MBIP: variants seen among roughly 807,000 people sequenced by gnomAD.
MBIP encodes MAP3K12 binding inhibitory protein 1, also known as MAP3K12-binding inhibitory protein 1.
A neutral mutation model predicts 45.7 loss-of-function variants in MBIP; 32 were observed. That is an observed-to-expected ratio of 0.70 (90% CI 0.53 to 0.94). MBIP has a LOEUF of 0.94. Ranked by LOEUF, MBIP falls within the 40% of genes least tolerant of loss-of-function variation. The pLI, the probability that MBIP is intolerant of heterozygous loss-of-function variation, is 0.00. For missense variants in MBIP, 381 were observed against 405.5 expected (o/e 0.94, Z 0.52); for synonymous variants, 145 against 141.0 (o/e 1.03, Z -0.20).
chr14:36,320,473 G>A lies in MBIP; in HGVS notation c.116C>T (p.Thr39Ile). 4 of 1,614,144 alleles carry A rather than the reference G, an allele frequency of 2.5e-6. No individual in the cohort carries two copies. Among genetic ancestry groups the A allele is most frequent in the Non-Finnish European group, 3.4e-6 (4 of 1,180,032 alleles). Reference protein sequence around the residue: ...VLYEIFRSLHTLVGQLDLRDD... With the variant: ...VLYEIFRSLHILVGQLDLRDD... ...GCCACCTCTCACCTGTCCAACCAGG[G>A]TGTGTAGGGAGCGAAAGATTTCGTA... The change falls in exon 1 of 9, where the codon ACC becomes ATC. Residue 39 changes from threonine to isoleucine, a missense_variant. Physicochemically the swap from Thr to Ile is moderately conservative, Grantham distance 89. Coordinates refer to ENST00000416007, the MANE Select transcript of MBIP (RefSeq NM_016586.3).
At chr14:36,310,715 G>A (rs1880147809) in intron 6 of MBIP, among the ~76,000 whole-genome samples, 1 of 152,178 alleles carries the variant, frequency 6.6e-6, no homozygotes, top group South Asian at 2.1e-4. Flanking sequence ...TATACAAAAG[G>A]TGAATCTGCA....
intron 1 of MBIP, among the ~76,000 whole-genome samples, chr14:36,317,499 G>A (rs923892931): frequency 6.6e-6 from 1 of 152,080 alleles, no homozygotes; most frequent in Admixed American, 6.6e-5. Flanking sequence ...TGTCAGACTG[G>A]ATGAAATGTC....
intron 7 of MBIP, among the ~76,000 whole-genome samples, chr14:36,303,961 C>T (rs1879725008): frequency 6.6e-6 from 1 of 152,174 alleles, no homozygotes; most frequent in African/African-American, 2.4e-5. Flanking sequence ...TGCCACCAGA[C>T]AGGGACCTAA....
chr14:36,316,434 T>C (rs1490307408), intron 2 of MBIP, among the ~76,000 whole-genome samples: 1 of 152,132 alleles, frequency 6.6e-6, no homozygotes, highest in African/African-American at 2.4e-5. Flanking sequence ...TGGAACTGTA[T>C]TGAATTTTCA....
At chr14:36,301,736 A>T in intron 7 of MBIP, among the ~76,000 whole-genome samples, 1 of 152,280 alleles carries the variant, frequency 6.6e-6, no homozygotes, top group African/African-American at 2.4e-5. Flanking sequence ...AGCTAACAAC[A>T]TTCTCACTGA....
At chr14:36,317,439 G>A (rs1003741870) in intron 1 of MBIP, among the ~76,000 whole-genome samples, 6 of 151,944 alleles carry the variant, frequency 3.9e-5, no homozygotes, top group African/African-American at 1.5e-4. Flanking sequence ...ATTTAGCAAT[G>A]GAAGTCTGAA....
chr14:36,317,184 T>A (rs1220703581), intron 1 of MBIP, among the ~76,000 whole-genome samples: 1 of 152,140 alleles, frequency 6.6e-6, no homozygotes, highest in Non-Finnish European at 1.5e-5. Context: ...TCCTACTACT[T>A]CTAGCTCAGA....
At chr14:36,309,019 C>A (rs8017683) in intron 6 of MBIP, among the ~76,000 whole-genome samples, 7,559 of 152,268 alleles carry the variant, frequency 0.05, 576 homozygotes, top group African/African-American at 0.17. Flanking sequence ...CAATGGCCTA[C>A]AAGGCCATAC....
intron 7 of MBIP, among the ~76,000 whole-genome samples, chr14:36,302,736 A>T (rs906500056): frequency 2.6e-5 from 4 of 152,190 alleles, no homozygotes; most frequent in Non-Finnish European, 5.9e-5. Flanking sequence ...GAACACTTAG[A>T]AATACCATAT....
In MBIP at chr14:36,311,648, T is replaced by G; in HGVS notation, c.715A>C (p.Met239Leu). ...IPGSGHKPNS[M>L]LRDCGNQAVE... Reference sequence around the variant, plus strand: ...GCCTGATTACCACAGTCTCGAAGCATGCTGTTAGGTTTATGACCTGACCCT... The same window carrying G: ...GCCTGATTACCACAGTCTCGAAGCAGGCTGTTAGGTTTATGACCTGACCCT... Residue 239 changes from methionine (M) to leucine (L), a missense_variant, in exon 6 of 9, where the codon ATG becomes CTG. Met to Leu is a conservative substitution (Grantham distance 15, BLOSUM62 2). Transcript: ENST00000416007. The G allele has an allele frequency of 6.2e-7, 1 of 1,613,518 alleles. No homozygotes were observed. Among genetic ancestry groups the G allele is most frequent in the Non-Finnish European group, 8.5e-7 (1 of 1,179,518 alleles).
chr14:36,317,014 C>G (rs562874792), intron 1 of MBIP, among the ~76,000 whole-genome samples: 7 of 152,154 alleles, frequency 4.6e-5, no homozygotes, highest in Admixed American at 4.6e-4. Context: ...AAAACAAAAA[C>G]AAAATGACAT....
At chr14:36,316,303 C>A (rs997731438) in intron 2 of MBIP, among the ~76,000 whole-genome samples, 3 of 152,048 alleles carry the variant, frequency 2.0e-5, no homozygotes, top group Non-Finnish European at 4.4e-5. Flanking sequence ...TGGGATAATG[C>A]CCCTTCTTGA....
intron 2 of MBIP, among the ~76,000 whole-genome samples, chr14:36,316,326 A>G (rs973592137): frequency 6.6e-6 from 1 of 151,990 alleles, no homozygotes; most frequent in African/African-American, 2.4e-5. Flanking sequence ...CACTGAAAGC[A>G]CTCCATGAGC....
At chr14:36,315,003 TA>T (rs1880482137) in intron 2 of MBIP, 88 bp from the exon 3 acceptor site, 4 of 770,290 alleles carry the variant, frequency 5.2e-6, no homozygotes, top group Non-Finnish European at 8.6e-6. Context: ...TTCTGCTAAG[TA>T]AATGAAATAC....
rs576915874 is a variant in MBIP, at chr14:36,306,429, T to A, written c.888+1663A>T. 3.1e-3 allele frequency among the ~76,000 whole-genome samples: 476 copies of A among 152,144 alleles called. 4 individuals carry two copies. The highest frequency in any genetic ancestry group is 3.9e-3 in the South Asian group (19 of 4,822). On this transcript the variant is annotated intron_variant, in intron 7 of 8. Coordinates refer to ENST00000416007, the MANE Select transcript of MBIP (RefSeq NM_016586.3). ...GCCACCATGCCCAGCTTATTTTTTT[T>A]ATTTTTTATTTTTTTGTATTTTTAG...
chr14:36,316,866 T>C (rs1880606953), intron 1 of MBIP, 54 bp from the exon 2 acceptor site: 10 of 1,532,586 alleles, frequency 6.5e-6, no homozygotes, highest in African/African-American at 2.8e-5. Flanking sequence ...AAGCTCTACA[T>C]ATGGAATTGT....
At chr14:36,319,485 A>T (rs1333720063) in intron 1 of MBIP, 2 of 339,568 alleles carry the variant, frequency 5.9e-6, no homozygotes, top group Admixed American at 3.9e-5. Flanking sequence ...TACGATTTTT[A>T]AAAATAGTAA....
chr14:36,308,579 T>C (rs967005134), intron 6 of MBIP, among the ~76,000 whole-genome samples: 6 of 152,228 alleles, frequency 3.9e-5, no homozygotes, highest in Non-Finnish European at 7.3e-5. Flanking sequence ...ATATGTCATA[T>C]TATTTTCTTC....
chr14:36,303,606 T>C (rs1879701466), intron 7 of MBIP, among the ~76,000 whole-genome samples: 1 of 152,212 alleles, frequency 6.6e-6, no homozygotes, highest in Non-Finnish European at 1.5e-5. Flanking sequence ...CATACTATAA[T>C]TTTATGGGAT....
Sources: gnomAD v4.1 joint callset for allele counts (sites outside exome capture counted in the v4.1 genomes callset) on GRCh38, gnomAD v4.1.1 for gene constraint, MANE v1.5 for transcripts, NCBI Gene and HGNC (gene_info 2026-07-23, HGNC 2026-07-21) for gene names.